NRG3: variants seen among roughly 807,000 people sequenced by gnomAD.
NRG3 encodes the protein pro-neuregulin-3, membrane-bound isoform.
In NRG3, 31 loss-of-function variants were observed where a neutral mutation model predicts 66.9. That is an observed-to-expected ratio of 0.46 (90% confidence interval 0.35 to 0.63). The LOEUF (loss-of-function observed/expected upper bound fraction) is 0.63. Ranked by LOEUF, NRG3 falls within the 20% of genes least tolerant of loss-of-function variation. The probability of loss-of-function intolerance (pLI) is 0.00; values close to 1 mark genes in which losing one functional copy is unlikely to be tolerated. For missense variants in NRG3, 910 were observed against 878.9 expected (o/e 1.04, Z -0.45); for synonymous variants, 393 against 359.4 (o/e 1.09, Z -1.06).
rs571870933 is a variant in NRG3 at position 82,354,164 on chromosome 10, A to G, written c.824-4575A>G. On this transcript the variant is annotated intron_variant, in intron 1 of 8. Coordinates refer to ENST00000372141, the MANE Select transcript of NRG3 (RefSeq NM_001010848.4). Reference sequence around the variant, plus strand: ...ATCCTCCCACCTCAGCCTTCTGAGTAGCTGGGGTCACAGGCGTGCGCCACC... The same window carrying G: ...ATCCTCCCACCTCAGCCTTCTGAGTGGCTGGGGTCACAGGCGTGCGCCACC... Among the ~76,000 whole-genome samples, 4 of 151,100 alleles carry G rather than the reference A, an allele frequency of 2.6e-5. No homozygotes were observed. The South Asian group carries it at 8.4e-4, about 32-fold the overall frequency.
At chr10:82,264,668 A>G (rs79642265) in intron 1 of NRG3, among the ~76,000 whole-genome samples, 3,196 of 152,298 alleles carry the variant, frequency 0.021, 83 homozygotes, top group African/African-American at 0.062. Flanking sequence ...AATGTTGCCA[A>G]TGAAGGAGCA....
chr10:82,106,449 T>G (rs2132178979), intron 1 of NRG3, among the ~76,000 whole-genome samples: 1 of 152,278 alleles, frequency 6.6e-6, no homozygotes, highest in African/African-American at 2.4e-5. Context: ...TCACCTAAGG[T>G]TAGGCTAGTT....
At chr10:82,188,791 G>A (rs1484439267) in intron 1 of NRG3, among the ~76,000 whole-genome samples, 3 of 152,086 alleles carry the variant, frequency 2.0e-5, no homozygotes, top group African/African-American at 7.2e-5. Context: ...AGGGTAGCGG[G>A]AGGCTATGGG....
intron 4 of NRG3, among the ~76,000 whole-genome samples, chr10:82,947,413 A>C (rs973318822): frequency 7.2e-5 from 11 of 152,096 alleles, no homozygotes; most frequent in African/African-American, 2.7e-4. Flanking sequence ...TAAAGTTTCT[A>C]TGAACATTGG....
At chr10:82,783,334 A>G (rs1310891813) in intron 3 of NRG3, among the ~76,000 whole-genome samples, 1 of 150,992 alleles carries the variant, frequency 6.6e-6, no homozygotes, top group Non-Finnish European at 1.5e-5. Flanking sequence ...CCTATTCAAC[A>G]TAGTGTTGGA....
intron 1 of NRG3, among the ~76,000 whole-genome samples, chr10:82,261,094 T>C (rs2078002184): frequency 6.6e-6 from 1 of 152,098 alleles, no homozygotes; most frequent in Non-Finnish European, 1.5e-5. Flanking sequence ...ATGGTTTGGC[T>C]GTGTCCCCAC....
rs760709356 is a variant in NRG3, at chr10:82,985,347, T to C, written c.1833T>C (p.Asn611=). 8.2e-5 allele frequency: 132 copies of C among 1,614,116 alleles called. 1 individual carries two copies. In the South Asian group the frequency reaches 1.3e-3, roughly 15 times the overall value. ...CKNSYSADVV[N]VSIPVSDCLI... ...ACTCCTATTCAGCTGACGTTGTCAA[T>C]GTGAGTATTCCAGTCAGCGATTGTC... The change falls in exon 9 of 9, where the codon AAT becomes AAC. Residue 611 remains asparagine, a synonymous_variant. Transcript: ENST00000372141.
At chr10:82,547,225 A>G (rs944079219) in intron 2 of NRG3, among the ~76,000 whole-genome samples, 1 of 152,040 alleles carries the variant, frequency 6.6e-6, no homozygotes, top group Admixed American at 6.6e-5. Context: ...TCTTTTTAAA[A>G]TAAAATAATG....
intron 3 of NRG3, among the ~76,000 whole-genome samples, chr10:82,826,324 C>A (rs998698911): frequency 1.3e-5 from 2 of 152,168 alleles, no homozygotes; most frequent in Admixed American, 6.5e-5. Flanking sequence ...CCATTCCTAG[C>A]CCCAGGGCTC....
chr10:82,685,964 T>C, intron 2 of NRG3, among the ~76,000 whole-genome samples: 1 of 152,166 alleles, frequency 6.6e-6, no homozygotes, highest in East Asian at 1.9e-4. Flanking sequence ...TCTCCTATGA[T>C]AACAATGCCT....
chr10:81,912,060 GA>G (rs1214897042), intron 1 of NRG3, among the ~76,000 whole-genome samples: 1 of 152,248 alleles, frequency 6.6e-6, no homozygotes, highest in Non-Finnish European at 1.5e-5. Context: ...ATCACCGTTA[GA>G]AATCTCAGGG....
chr10:82,155,812 A>C (rs11192730), intron 1 of NRG3, among the ~76,000 whole-genome samples: 17,585 of 151,660 alleles, frequency 0.12, 1,200 homozygotes, highest in East Asian at 0.28. Context: ...TTTATATTTC[A>C]TGTGATTATA....
At chr10:82,874,865 G>GT (rs1390962372) in intron 4 of NRG3, among the ~76,000 whole-genome samples, 9 of 152,186 alleles carry the variant, frequency 5.9e-5, no homozygotes, top group African/African-American at 2.2e-4. Context: ...TACTCTTGCA[G>GT]TGTTTCAAAT....
chr10:82,835,712 G>A (rs1238225677), intron 3 of NRG3, among the ~76,000 whole-genome samples: 1 of 152,120 alleles, frequency 6.6e-6, no homozygotes, highest in Non-Finnish European at 1.5e-5. Context: ...CATCAGCTTT[G>A]CAGGACAGCC....
chr10:82,769,334 T>G (rs2059629301), intron 3 of NRG3, among the ~76,000 whole-genome samples: 1 of 152,064 alleles, frequency 6.6e-6, no homozygotes, highest in Admixed American at 6.6e-5. Context: ...TTCCTGCAAA[T>G]ATTGACTGAT....
intron 4 of NRG3, among the ~76,000 whole-genome samples, chr10:82,882,188 G>A (rs1412450459): frequency 1.3e-5 from 2 of 152,126 alleles, no homozygotes; most frequent in Non-Finnish European, 1.5e-5. Flanking sequence ...CATTCTTAGT[G>A]TATAAGGCGC....
chr10:82,183,675 G>T (rs1007816752), intron 1 of NRG3, among the ~76,000 whole-genome samples: 2 of 152,056 alleles, frequency 1.3e-5, no homozygotes, highest in Non-Finnish European at 2.9e-5. Context: ...TTGCCCCTCA[G>T]AGGTATTTGG....
rs141548479 is a variant in NRG3, at chr10:82,330,461, G to A, written c.824-28278G>A. ...TAAACATCACCTTTGACAACTGCAT[G>A]AAATTCCACTGTATGACTCCAAATG... On this transcript the variant is annotated intron_variant, in intron 1 of 8. Coordinates refer to ENST00000372141, the MANE Select transcript of NRG3 (RefSeq NM_001010848.4). Among the ~76,000 whole-genome samples, 1,185 of 152,184 alleles carry A rather than the reference G, an allele frequency of 7.8e-3. 13 individuals carry two copies. Among genetic ancestry groups the A allele is most frequent in the African/African-American group, 0.026 (1,096 of 41,516 alleles).
chr10:82,113,204 A>G (rs192552789), intron 1 of NRG3, among the ~76,000 whole-genome samples: 1 of 152,256 alleles, frequency 6.6e-6, no homozygotes, highest in East Asian at 1.9e-4. Flanking sequence ...ATCTCATTTA[A>G]TCCCCACAAC....
Sources: gnomAD v4.1 joint callset for allele counts (sites outside exome capture counted in the v4.1 genomes callset) on GRCh38, gnomAD v4.1.1 for gene constraint, MANE v1.5 for transcripts, NCBI Gene and HGNC (gene_info 2026-07-23, HGNC 2026-07-21) for gene names.